Variants in OSTF1 observed in about 807,000 individuals in gnomAD.
The protein encoded by OSTF1 is osteoclast stimulating factor 1.
A neutral mutation model predicts 37.2 loss-of-function variants in OSTF1; 27 were observed. That is an observed-to-expected ratio of 0.73 (90% CI 0.54 to 1.00). The LOEUF is 1.00. Among genes scored for constraint, OSTF1 ranks in the 50% least tolerant of loss-of-function variants. OSTF1 has a pLI of 0.00. For missense variants in OSTF1, 232 were observed against 253.8 expected, an observed-to-expected ratio of 0.91 and a Z score of 0.58; for synonymous variants, 82 against 89.2, an observed-to-expected ratio of 0.92 and a Z score of 0.46.
intron 1 of OSTF1, among the ~76,000 whole-genome samples, chr9:75,092,655 A>G (rs749980608): frequency 6.6e-6 from 1 of 152,208 alleles, no homozygotes; most frequent in Non-Finnish European, 1.5e-5. Flanking sequence ...TCATCTACTG[A>G]TAATCACTAT....
intron 1 of OSTF1, among the ~76,000 whole-genome samples, chr9:75,108,515 TAATG>T (rs1825330280): frequency 6.6e-6 from 1 of 152,224 alleles, no homozygotes; most frequent in South Asian, 2.1e-4. Context: ...TTTTAATAAT[TAATG>T]ATGATAATGA....
At chr9:75,146,449 G>T (rs1826026110) in intron 9 of OSTF1, among the ~76,000 whole-genome samples, 2 of 152,168 alleles carry the variant, frequency 1.3e-5, no homozygotes, top group Admixed American at 6.5e-5. Context: ...TGGATGCATG[G>T]CACCTAGGAC....
intron 8 of OSTF1, among the ~76,000 whole-genome samples, chr9:75,138,413 C>G (rs760703846): frequency 9.2e-5 from 14 of 152,188 alleles, no homozygotes; most frequent in African/African-American, 1.2e-4. Context: ...AAAGGGTATA[C>G]TGATGACTTT....
chr9:75,138,584 TTGAAA>T (rs1246172702), intron 8 of OSTF1, among the ~76,000 whole-genome samples: 14 of 152,268 alleles, frequency 9.2e-5, no homozygotes, highest in Admixed American at 5.2e-4. Flanking sequence ...TGGTTATGTG[TTGAAA>T]TGATAATATT....
intron 9 of OSTF1, among the ~76,000 whole-genome samples, chr9:75,145,553 A>G (rs1000913405): frequency 1.3e-5 from 2 of 152,190 alleles, no homozygotes; most frequent in Non-Finnish European, 2.9e-5. Flanking sequence ...TATTAGCTGG[A>G]ACATTCTATT....
chr9:75,146,283 T>G (rs1826023027), intron 9 of OSTF1, among the ~76,000 whole-genome samples: 1 of 152,272 alleles, frequency 6.6e-6, no homozygotes, highest in Non-Finnish European at 1.5e-5. Context: ...TTTTTCCCCT[T>G]CGGTAGTTAA....
At chr9:75,116,195 A>AAT (rs1361336530) in intron 1 of OSTF1, among the ~76,000 whole-genome samples, 2 of 152,176 alleles carry the variant, frequency 1.3e-5, no homozygotes, top group African/African-American at 4.8e-5. Flanking sequence ...CATTAAGTAT[A>AAT]ATAAGTAATC....
At chr9:75,128,510 TATATATATATTTTGTCC>T (rs1825706538) in intron 3 of OSTF1, among the ~76,000 whole-genome samples, 1 of 40,658 alleles carries the variant, frequency 2.5e-5, no homozygotes, top group African/African-American at 1.2e-4. Flanking sequence ...TCCATATATA[TATATATATATTTTGTCC>T]ATATATATAT....
chr9:75,146,398 T>A (rs1032918730), intron 9 of OSTF1, among the ~76,000 whole-genome samples: 2 of 152,238 alleles, frequency 1.3e-5, no homozygotes, highest in Admixed American at 6.5e-5. Context: ...TGGTGTATCA[T>A]GTTGGTCATG....
At position 75,109,908 on chromosome 9, in the gene OSTF1, AT is replaced by A. The variant is rs200726973; in HGVS notation, c.35-7588del. On this transcript the variant is annotated intron_variant, in intron 1 of 9. Coordinates refer to ENST00000346234, the MANE Select transcript of OSTF1 (RefSeq NM_012383.5). ...GGTATTGTTTTTAAATTAATAGACT[AT>A]TTTTTTTAGAGCAGTTTTAGTTTTA... 4.1e-4 allele frequency among the ~76,000 whole-genome samples: 63 copies of A among 152,094 alleles called. No homozygotes were observed. The East Asian group carries it at 4.8e-3, about 12-fold the overall frequency.
In OSTF1 at chr9:75,146,785, C is replaced by T. The variant is rs1338765462; in HGVS notation, c.*44C>T. The stretch of plus-strand genomic sequence containing the variant: ...AGATCTAAAACTTCTGTTGCTTTTG[C>T]CATTCCAAAACTTTGTCTTTGCCAG... On this transcript the variant is annotated 3_prime_UTR_variant, in exon 10 of 10. Transcript: ENST00000346234. 1.4e-6 allele frequency: 2 copies of T among 1,432,530 alleles called. No individual in the cohort carries two copies. Among genetic ancestry groups the T allele is most frequent in the South Asian group, 1.2e-5 (1 of 82,866 alleles). The allele number at this position is 1,432,530 out of a possible 1,614,324, so 88.7% of individuals were successfully genotyped here.
intron 1 of OSTF1, among the ~76,000 whole-genome samples, chr9:75,115,639 TTTTTTG>T (rs201869403): frequency 0.021 from 1,536 of 74,062 alleles, 6 homozygotes; most frequent in East Asian, 0.023. Context: ...GACCCCCCCT[TTTTTTG>T]TTTTTTTTTT....
intron 2 of OSTF1, among the ~76,000 whole-genome samples, chr9:75,124,678 C>T (rs1370747497): frequency 6.6e-6 from 1 of 152,202 alleles, no homozygotes; most frequent in Non-Finnish European, 1.5e-5. Context: ...TAAACAGTTA[C>T]TCCCTATTCC....
intron 1 of OSTF1, among the ~76,000 whole-genome samples, chr9:75,095,836 A>G (rs1340003507): frequency 6.6e-6 from 1 of 151,864 alleles, no homozygotes; most frequent in African/African-American, 2.4e-5. Flanking sequence ...CAACGAGTTG[A>G]AGAGATTTAG....
At chr9:75,143,750 G>A (rs568829047) in intron 9 of OSTF1, among the ~76,000 whole-genome samples, 4 of 152,350 alleles carry the variant, frequency 2.6e-5, no homozygotes, top group South Asian at 2.1e-4. Context: ...GCTAGGGAAG[G>A]ATGGCAGTGC....
chr9:75,092,028 C>T (rs2376398), intron 1 of OSTF1, among the ~76,000 whole-genome samples: 75,959 of 152,128 alleles, frequency 0.5, 19,749 homozygotes, highest in East Asian at 0.68. Flanking sequence ...ATGTTTCTTA[C>T]AGCTTCTTTC....
At position 75,146,686 on chromosome 9, in the gene OSTF1, C is replaced by G. The variant is rs140944422; in HGVS notation, c.590C>G (p.Ala197Gly). 5 of 1,606,606 alleles carry G rather than the reference C, an allele frequency of 3.1e-6. No homozygotes were observed. In the Admixed American group the frequency reaches 8.4e-5, roughly 27 times the overall value. ...TTTTCCCTCCTCTTTCTTTCAGATG[C>G]AGTTCGAACATTAAGCAATGCCGAG... Reference protein sequence around the residue: ...SLLKKKQGTDAVRTLSNAEDY... With the variant: ...SLLKKKQGTDGVRTLSNAEDY... The change falls in exon 10 of 10, where the codon GCA (alanine) becomes GGA (glycine). Residue 197 changes from alanine (A) to glycine (G), a missense_variant. Coordinates refer to ENST00000346234, the MANE Select transcript of OSTF1 (RefSeq NM_012383.5).
intron 1 of OSTF1, among the ~76,000 whole-genome samples, chr9:75,107,460 C>T (rs1825308822): frequency 6.6e-6 from 1 of 152,130 alleles, no homozygotes; most frequent in African/African-American, 2.4e-5. Context: ...TCAAATAATT[C>T]TCTTCCTCTT....
At chr9:75,127,762 G>T (rs1338082780) in intron 3 of OSTF1, 143 bp downstream of exon 3, 1 of 503,644 alleles carries the variant, frequency 2.0e-6, no homozygotes, top group African/African-American at 2.0e-5. Flanking sequence ...AGTAGCATAA[G>T]ATTGAAAATA....
Sources: allele counts gnomAD v4.1 joint callset (sites outside exome capture counted in the v4.1 genomes callset), GRCh38; gene constraint gnomAD v4.1.1; transcripts MANE v1.5; gene names NCBI Gene and HGNC (gene_info 2026-07-23, HGNC 2026-07-21).